SLC38A6: variants seen among roughly 807,000 people sequenced by gnomAD.
SLC38A6 encodes solute carrier family 38 member 6, also known as N system amino acid transporter NAT-1.
SLC38A6 carries 73 observed loss-of-function variants against 65.0 expected under a neutral mutation model. The ratio of observed to expected loss-of-function variants is 1.12; its 90% CI spans 0.93 to 1.37. The LOEUF (loss-of-function observed/expected upper bound fraction) is 1.37, where lower values mean the gene tolerates loss of function less well. Ranked by LOEUF, SLC38A6 falls within the 40% of genes most tolerant of loss-of-function variation. SLC38A6 has a pLI of 0.00. For synonymous variants in SLC38A6, 183 were observed against 178.8 expected (o/e 1.02, Z -0.19); for missense variants, 561 against 531.1 (o/e 1.06, Z -0.55).
chr14:61,074,934 T>C (rs183536940), intron 15 of SLC38A6, among the ~76,000 whole-genome samples: 7 of 152,248 alleles, frequency 4.6e-5, no homozygotes, highest in African/African-American at 1.7e-4. Context: ...CAATGTGAGT[T>C]TACTAAATGC....
chr14:61,028,862 C>A (rs1443569657), intron 5 of SLC38A6, among the ~76,000 whole-genome samples: 2 of 152,110 alleles, frequency 1.3e-5, no homozygotes, highest in East Asian at 1.9e-4. Context: ...TTATCTATCT[C>A]CATACAAATT....
intron 8 of SLC38A6, among the ~76,000 whole-genome samples, chr14:61,040,171 A>G (rs2041703581): frequency 2.0e-5 from 3 of 151,378 alleles, no homozygotes; most frequent in African/African-American, 7.3e-5. Context: ...CAGTTAGACA[A>G]CTTTTTTTTT....
chr14:61,072,664 C>T (rs2043269472), intron 15 of SLC38A6, among the ~76,000 whole-genome samples: 1 of 152,162 alleles, frequency 6.6e-6, no homozygotes, highest in Non-Finnish European at 1.5e-5. Flanking sequence ...TTTCACTTAA[C>T]ATAATGGTCT....
intron 8 of SLC38A6, among the ~76,000 whole-genome samples, chr14:61,040,338 A>G (rs1687875288): frequency 7.4e-6 from 1 of 134,752 alleles, no homozygotes; most frequent in Non-Finnish European, 1.6e-5. Flanking sequence ...CGCCTGGATA[A>G]TTTTTTTTTT....
chr14:60,998,413 G>A (rs907363049), intron 3 of SLC38A6, among the ~76,000 whole-genome samples: 9 of 152,098 alleles, frequency 5.9e-5, no homozygotes, highest in African/African-American at 1.9e-4. Flanking sequence ...AGGAGAGGTC[G>A]GTTGGGGACA....
At chr14:61,034,644 G>C (rs2041227459) in intron 6 of SLC38A6, among the ~76,000 whole-genome samples, 1 of 152,064 alleles carries the variant, frequency 6.6e-6, no homozygotes. Context: ...TGAAGTTTCT[G>C]TTTTGATTCT....
intron 7 of SLC38A6, 30 bp from the exon 8 acceptor site, chr14:61,037,595 A>G: frequency 5.4e-6 from 8 of 1,490,710 alleles, no homozygotes; most frequent in Non-Finnish European, 7.4e-6. Flanking sequence ...TTCCTTATAA[A>G]TTGCTTTTTA....
At chr14:61,055,098 G>GTT (rs2042662229), downstream of SLC38A6, among the ~76,000 whole-genome samples, 6 of 71,786 alleles carry the variant, frequency 8.4e-5, no homozygotes, top group South Asian at 4.6e-4. Flanking sequence ...TTTTTTTTAA[G>GTT]TCTTTTTCTT....
intron 3 of SLC38A6, among the ~76,000 whole-genome samples, chr14:60,999,842 A>G (rs1277417672): frequency 6.6e-6 from 1 of 152,236 alleles, no homozygotes; most frequent in Non-Finnish European, 1.5e-5. Context: ...AGCTTTCAGA[A>G]GAGTGGCCCT....
At chr14:60,982,696 A>G (rs2037153036) in intron 2 of SLC38A6, 58 bp downstream of exon 2, 5 of 1,529,632 alleles carry the variant, frequency 3.3e-6, no homozygotes, top group Non-Finnish European at 3.5e-6. Flanking sequence ...TATACGGAGA[A>G]GTAGAGAGAT....
chr14:61,030,263 CTGTG>C (rs3080609), intron 5 of SLC38A6, among the ~76,000 whole-genome samples, 178 bp from the exon 6 acceptor site: 88,671 of 148,686 alleles, frequency 0.6, 27,331 homozygotes, highest in Non-Finnish European at 0.69. Context: ...AGTTACTTTT[CTGTG>C]TGTGTGTGTG....
At chr14:61,065,149 C>G (rs1023692201) in intron 15 of SLC38A6, among the ~76,000 whole-genome samples, 2 of 152,016 alleles carry the variant, frequency 1.3e-5, no homozygotes, top group African/African-American at 2.4e-5. Flanking sequence ...CATCTAGAAG[C>G]AGGATCTGAA....
intron 6 of SLC38A6, among the ~76,000 whole-genome samples, chr14:61,036,575 A>G (rs2041391895): frequency 6.6e-6 from 1 of 152,194 alleles, no homozygotes; most frequent in Non-Finnish European, 1.5e-5. Context: ...AAGCCTGCAC[A>G]TTCTGCACAT....
chr14:61,082,216 C>T (rs1479908854), intron 16 of SLC38A6, among the ~76,000 whole-genome samples: 1 of 152,166 alleles, frequency 6.6e-6, no homozygotes, highest in Non-Finnish European at 1.5e-5. Context: ...GATAACCACC[C>T]CATCCCCTGC....
Position 61,003,283 on chromosome 14 carries a change from A to G in SLC38A6, c.311-12621A>G, listed in dbSNP as rs111434896. On this transcript the variant is annotated intron_variant, in intron 3 of 15. Coordinates refer to ENST00000267488, the MANE Select transcript of SLC38A6 (RefSeq NM_153811.3). ...GTAATTCATTTTAGTCTTTTTATGT[A>G]TTTTTTTCACCTAAAATAATATGGG... Among the ~76,000 whole-genome samples, 1,294 of 152,176 alleles carry G rather than the reference A, an allele frequency of 8.5e-3. 22 individuals are homozygous for G. The highest frequency in any genetic ancestry group is 0.029 in the African/African-American group (1,221 of 41,558).
chr14:60,992,736 G>T (rs1056136005), intron 3 of SLC38A6, among the ~76,000 whole-genome samples: 4 of 151,830 alleles, frequency 2.6e-5, no homozygotes, highest in Non-Finnish European at 4.4e-5. Context: ...GTCCAGGATG[G>T]AGTGCAGTGG....
intron 3 of SLC38A6, among the ~76,000 whole-genome samples, chr14:61,010,606 G>C (rs1354762795): frequency 3.3e-5 from 5 of 152,174 alleles, no homozygotes; most frequent in Non-Finnish European, 4.4e-5. Flanking sequence ...CATATGGCTA[G>C]CCAGTTTTCC....
At chr14:61,007,410 G>T (rs2039221179) in intron 3 of SLC38A6, among the ~76,000 whole-genome samples, 1 of 152,124 alleles carries the variant, frequency 6.6e-6, no homozygotes, top group Non-Finnish European at 1.5e-5. Flanking sequence ...TAGGAGGATG[G>T]CTTGAGTCCA....
rs531612226 is a variant in SLC38A6, at chr14:61,069,245, C to G, written c.1291-9565C>G. ...GTCTTCCAGCCCATTTTGCCTGTTA[C>G]TGTTCTCTGGTCTCCTTGGAATCCT... On this transcript the variant is annotated intron_variant, in intron 15 of 16. Transcript: ENST00000354886. Among the ~76,000 whole-genome samples the G allele has an allele frequency of 2.0e-5, 3 of 152,270 alleles. No homozygotes were observed. In the South Asian group the frequency reaches 6.2e-4, roughly 32 times the overall value.
Sources: gnomAD v4.1 joint callset for allele counts (sites outside exome capture counted in the v4.1 genomes callset) on GRCh38, gnomAD v4.1.1 for gene constraint, MANE v1.5 for transcripts, NCBI Gene and HGNC (gene_info 2026-07-23, HGNC 2026-07-21) for gene names.